TXNRD2: variants seen among roughly 807,000 people sequenced by gnomAD.
TXNRD2 encodes the protein thioredoxin reductase 2, mitochondrial.
TXNRD2 carries 67 observed loss-of-function variants against 70.8 expected under a neutral mutation model. That is an observed-to-expected ratio of 0.95 (90% confidence interval 0.78 to 1.16). The LOEUF (loss-of-function observed/expected upper bound fraction) is 1.16. Among genes scored for constraint, TXNRD2 ranks in the 50% most tolerant of loss-of-function variants. TXNRD2 has a pLI of 0.00. For missense variants in TXNRD2, 644 were observed against 719.9 expected (o/e 0.89, Z 1.21); for synonymous variants, 301 against 295.8 (o/e 1.02, Z -0.18).
At chr22:19,934,443 C>T (rs910982008) in intron 1 of TXNRD2, among the ~76,000 whole-genome samples, 13 of 150,778 alleles carry the variant, frequency 8.6e-5, no homozygotes, top group Admixed American at 2.0e-4. Flanking sequence ...ACCTGTGTTG[C>T]AGGAAGTCAG....
At chr22:19,890,821 A>C (rs1939231835) in intron 11 of TXNRD2, among the ~76,000 whole-genome samples, 1 of 152,230 alleles carries the variant, frequency 6.6e-6, no homozygotes, top group Admixed American at 6.5e-5. Flanking sequence ...ACAGCTGAGC[A>C]AAGACAGTTG....
intron 11 of TXNRD2, chr22:19,884,653 T>G (rs1007545526): frequency 1.3e-5 from 2 of 152,148 alleles, no homozygotes; most frequent in Non-Finnish European, 2.9e-5. Context: ...ACCTGCTGGC[T>G]CCCAATGGCC....
chr22:19,893,479 G>A (rs771368024), intron 11 of TXNRD2, among the ~76,000 whole-genome samples: 10 of 152,326 alleles, frequency 6.6e-5, no homozygotes, highest in Admixed American at 2.0e-4. Flanking sequence ...CCCTCCTTGC[G>A]GCGGCCCATC....
intron 11 of TXNRD2, among the ~76,000 whole-genome samples, chr22:19,886,440 C>T (rs1482315212): frequency 2.0e-5 from 3 of 152,254 alleles, no homozygotes; most frequent in African/African-American, 7.2e-5. Flanking sequence ...GCCTGGAGCC[C>T]TGCAGGAGGT....
At chr22:19,919,651 C>A in intron 2 of TXNRD2, 52 bp from the exon 3 acceptor site, 1 of 1,484,844 alleles carries the variant, frequency 6.7e-7, no homozygotes, top group South Asian at 1.2e-5. Context: ...GCTCAGGACT[C>A]AAGAACAGGC....
intron 13 of TXNRD2, 29 bp from the exon 14 acceptor site, chr22:19,880,300 C>A: frequency 6.2e-7 from 1 of 1,608,850 alleles, no homozygotes; most frequent in Middle Eastern, 1.7e-4. Flanking sequence ...TCAGGGAGGG[C>A]CCTTGGGCCC....
intron 10 of TXNRD2, among the ~76,000 whole-genome samples, chr22:19,895,859 G>C (rs1432764629): frequency 6.6e-6 from 1 of 152,228 alleles, no homozygotes; most frequent in East Asian, 1.9e-4. Flanking sequence ...TCATCAGCCA[G>C]ATACGGTCAC....
intron 1 of TXNRD2, 197 bp downstream of exon 1, chr22:19,941,504 C>G: frequency 1.0e-5 from 10 of 969,614 alleles, no homozygotes; most frequent in Non-Finnish European, 1.4e-5. Flanking sequence ...CCCCAGTTTC[C>G]CCACCTGGGA....
chr22:19,932,428 G>A (rs766974185), intron 1 of TXNRD2: 1,046 of 1,612,014 alleles, frequency 6.5e-4, no homozygotes, highest in Non-Finnish European at 7.0e-4. Flanking sequence ...AGGTGTCATC[G>A]TGTCTACTCT....
chr22:19,884,946 C>T (rs1377846839), intron 11 of TXNRD2, among the ~76,000 whole-genome samples: 8 of 152,162 alleles, frequency 5.3e-5, no homozygotes, highest in Non-Finnish European at 1.2e-4. Context: ...GGGGCAGTGT[C>T]CAAACTACAC....
At chr22:19,883,678 G>T in intron 11 of TXNRD2, 1 of 620,392 alleles carries the variant, frequency 1.6e-6, no homozygotes, top group East Asian at 3.0e-5. Context: ...TCTCAGCCAG[G>T]CGTGATGGCT....
chr22:19,931,918 T>C (rs1941374936), intron 1 of TXNRD2, among the ~76,000 whole-genome samples: 1 of 151,904 alleles, frequency 6.6e-6, no homozygotes. Context: ...CCCAGCACTT[T>C]TGGAGGCCAA....
intron 1 of TXNRD2, among the ~76,000 whole-genome samples, chr22:19,933,794 C>T (rs1440976646): frequency 1.3e-5 from 2 of 152,204 alleles, no homozygotes; most frequent in Non-Finnish European, 2.9e-5. Context: ...CCTGGGGACA[C>T]ACCACCTGTG....
At position 19,926,338 on chromosome 22, in the gene TXNRD2, A is replaced by G. The variant is rs534977594; in HGVS notation, c.172+4692T>C. Among the ~76,000 whole-genome samples the G allele has an allele frequency of 1.1e-4, 16 of 151,482 alleles. No individual in the cohort carries two copies. The East Asian group carries it at 3.1e-3, about 29-fold the overall frequency. The stretch of plus-strand genomic sequence containing the variant: ...AACCCCATCTCTACTAAAAGTACAA[A>G]AATTAGTCGGGTATAGTGGTGTGTG... On this transcript the variant is annotated intron_variant, in intron 2 of 17. Transcript: ENST00000400521.
intron 1 of TXNRD2, among the ~76,000 whole-genome samples, chr22:19,939,454 T>C (rs1307129650): frequency 4.6e-5 from 7 of 152,246 alleles, no homozygotes; most frequent in Non-Finnish European, 7.3e-5. Context: ...TTACACTTTC[T>C]GTCTCACCAG....
intron 8 of TXNRD2, 148 bp downstream of exon 8, chr22:19,911,229 C>A: frequency 1.4e-6 from 1 of 726,432 alleles, no homozygotes; most frequent in South Asian, 1.5e-5. Context: ...AGCCACCACA[C>A]CTGGCCACAA....
intron 12 of TXNRD2, 70 bp from the exon 13 acceptor site, chr22:19,880,787 C>T (rs772302062): frequency 2.7e-6 from 3 of 1,117,400 alleles, no homozygotes; most frequent in Non-Finnish European, 4.0e-6. Flanking sequence ...ATGCCATCAC[C>T]CTTTGCCCTC....
intron 5 of TXNRD2, 186 bp from the exon 6 acceptor site, chr22:19,916,029 G>A (rs972042138): frequency 2.6e-5 from 16 of 609,018 alleles, no homozygotes; most frequent in South Asian, 5.5e-5. Flanking sequence ...GGGGCACCTC[G>A]CCTGTCCCCC....
rs1938876108 is a variant in TXNRD2, at chr22:19,883,409, AG to A, written c.1001del (p.Thr334IlefsTer34). On this transcript the variant is annotated frameshift_variant, in exon 12 of 18. Coordinates refer to ENST00000400521, the MANE Select transcript of TXNRD2 (RefSeq NM_006440.5). LOFTEE classifies it high-confidence loss of function. ...CCAGGATCTTCTGAGTGTCGGGGCT[AG>A]TATCTACCCCAGCCTTCTCCAAATT... ...SLNLEKAGVD[T>X]SPDTQKILVD... 1 of 1,613,916 alleles carries A rather than the reference AG, an allele frequency of 6.2e-7. No individual in the cohort carries two copies. Among genetic ancestry groups the A allele is most frequent in the African/African-American group, 1.3e-5 (1 of 74,932 alleles).
Sources: gnomAD v4.1 joint callset for allele counts (sites outside exome capture counted in the v4.1 genomes callset) on GRCh38, gnomAD v4.1.1 for gene constraint, MANE v1.5 for transcripts, NCBI Gene and HGNC (gene_info 2026-07-23, HGNC 2026-07-21) for gene names.